FGGY: variants seen among roughly 807,000 people sequenced by gnomAD.
FGGY encodes FGGY carbohydrate kinase domain containing, also known as FGGY carbohydrate kinase domain-containing protein.
Under a neutral mutation model 71.3 loss-of-function variants are expected in FGGY, and 72 were observed. The observed-to-expected ratio is 1.01, with a 90% CI of 0.84 to 1.23. The LOEUF is 1.23. Ranked by LOEUF, FGGY falls within the 50% of genes most tolerant of loss-of-function variation. The pLI, the probability that FGGY is intolerant of heterozygous loss-of-function variation, is 0.00. For missense variants in FGGY, 668 were observed against 682.3 expected (o/e 0.98, Z 0.23); for synonymous variants, 251 against 250.3 (o/e 1.00, Z -0.02).
intron 1 of FGGY, among the ~76,000 whole-genome samples, chr1:59,314,276 T>G (rs1317970017): frequency 1.3e-5 from 2 of 152,180 alleles, no homozygotes; most frequent in Non-Finnish European, 2.9e-5. Context: ...AATAAAAAAA[T>G]TTTTTTAAAA....
intron 8 of FGGY, among the ~76,000 whole-genome samples, chr1:59,586,857 C>T (rs1003452471): frequency 1.3e-5 from 2 of 152,164 alleles, no homozygotes; most frequent in Middle Eastern, 3.2e-3. Context: ...CAGCTCCCAG[C>T]GTGAGTGACG....
intron 14 of FGGY, among the ~76,000 whole-genome samples, chr1:59,749,278 G>A (rs2098225712): frequency 6.6e-6 from 1 of 152,156 alleles, no homozygotes; most frequent in Non-Finnish European, 1.5e-5. Context: ...AAGCCTTGGG[G>A]GGTGGAGTTT....
At chr1:59,303,259 C>G (rs1310153448) in intron 1 of FGGY, among the ~76,000 whole-genome samples, 1 of 152,176 alleles carries the variant, frequency 6.6e-6, no homozygotes, top group Non-Finnish European at 1.5e-5. Context: ...CTTTGGCCAA[C>G]ATTTCCCCAT....
intron 7 of FGGY, among the ~76,000 whole-genome samples, chr1:59,520,351 T>C (rs1287348451): frequency 1.3e-5 from 2 of 152,198 alleles, no homozygotes; most frequent in Non-Finnish European, 2.9e-5. Flanking sequence ...CTAGCTCATC[T>C]ATTTCAGAGT....
At chr1:59,651,792 A>G (rs1276453689) in intron 11 of FGGY, among the ~76,000 whole-genome samples, 2 of 150,156 alleles carry the variant, frequency 1.3e-5, no homozygotes. Context: ...TGATCCTGTC[A>G]TTATGATGTT....
At chr1:59,677,256 T>G (rs1219010432) in intron 14 of FGGY, among the ~76,000 whole-genome samples, 1 of 152,246 alleles carries the variant, frequency 6.6e-6, no homozygotes, top group Non-Finnish European at 1.5e-5. Context: ...TTCAACACAG[T>G]CTTTTCTTTG....
chr1:59,360,918 G>A (rs933657393), intron 4 of FGGY, among the ~76,000 whole-genome samples: 4 of 152,182 alleles, frequency 2.6e-5, no homozygotes, highest in African/African-American at 4.8e-5. Context: ...GGGTAGAGCT[G>A]GGGCCCAGCT....
intron 1 of FGGY, among the ~76,000 whole-genome samples, chr1:59,300,051 T>A (rs1342786577): frequency 6.6e-6 from 1 of 152,260 alleles, no homozygotes; most frequent in African/African-American, 2.4e-5. Context: ...AATTAATTAC[T>A]GACTGAATGT....
At position 59,378,780 on chromosome 1, in the gene FGGY, G is replaced by A. The variant is rs1254000133; in HGVS notation, c.497G>A (p.Gly166Glu). Residue 166 changes from glycine to glutamate, a missense_variant, in exon 5 of 16, where the codon GGA becomes GAA. Gly to Glu is a moderately conservative substitution (Grantham distance 98, BLOSUM62 -2). Coordinates refer to ENST00000303721, the MANE Select transcript of FGGY (RefSeq NM_018291.5). ...NLREICWDKA[G>E]HFFDLPDFLS... Reference sequence around the variant, plus strand: ...AGAGAGATTTGCTGGGATAAGGCGGGACATTTCTTTGATCTCCCGGACTTC... The same window carrying A: ...AGAGAGATTTGCTGGGATAAGGCGGAACATTTCTTTGATCTCCCGGACTTC... 1 of 1,613,390 alleles carries A rather than the reference G, an allele frequency of 6.2e-7. No homozygotes were observed. The highest frequency in any genetic ancestry group is 1.1e-5 in the South Asian group (1 of 91,052).
In FGGY at chr1:59,391,969, G is replaced by A. The variant is rs926307872; in HGVS notation, c.554+13132G>A. Among the ~76,000 whole-genome samples the A allele has an allele frequency of 3.3e-5, 5 of 152,076 alleles. No individual in the cohort carries two copies. In the South Asian group the frequency reaches 6.2e-4, roughly 19 times the overall value. ...TGAAGATGCTAGAGAGTTAGATCTC[G>A]TGTTTCAGGGAACAGAACTGAAACT... On this transcript the variant is annotated intron_variant, in intron 5 of 15. Transcript: ENST00000303721.
intron 6 of FGGY, among the ~76,000 whole-genome samples, chr1:59,497,796 A>G (rs978296017): frequency 6.6e-6 from 1 of 152,136 alleles, no homozygotes; most frequent in Admixed American, 6.5e-5. Context: ...CCCTTCCTGG[A>G]AGTGTGGATT....
chr1:59,366,290 G>A (rs769922104), intron 4 of FGGY, among the ~76,000 whole-genome samples: 7 of 152,120 alleles, frequency 4.6e-5, no homozygotes, highest in East Asian at 3.8e-4. Context: ...TGATGTTACC[G>A]TTAAACAAGT....
At chr1:59,538,036 A>G (rs1294393548) in intron 7 of FGGY, among the ~76,000 whole-genome samples, 1 of 152,200 alleles carries the variant, frequency 6.6e-6, no homozygotes, top group Admixed American at 6.5e-5. Context: ...ACAGCAAAAG[A>G]AACTACCATC....
chr1:59,762,277 G>A (rs559298620), intron 15 of FGGY, among the ~76,000 whole-genome samples: 1 of 152,142 alleles, frequency 6.6e-6, no homozygotes, highest in African/African-American at 2.4e-5. Context: ...TTTAAGAGAT[G>A]GGGTTTAAAT....
chr1:59,502,668 A>G (rs1311632874), intron 6 of FGGY, among the ~76,000 whole-genome samples: 1 of 152,160 alleles, frequency 6.6e-6, no homozygotes, highest in Non-Finnish European at 1.5e-5. Flanking sequence ...CATAGCAGGG[A>G]GTGCTGACAA....
At chr1:59,643,271 C>T (rs1308923898) in intron 11 of FGGY, among the ~76,000 whole-genome samples, 1 of 152,090 alleles carries the variant, frequency 6.6e-6, no homozygotes, top group East Asian at 1.9e-4. Flanking sequence ...CCACTGTAAC[C>T]TTGAACTTCT....
At chr1:59,715,008 C>G (rs998437800) in intron 14 of FGGY, among the ~76,000 whole-genome samples, 3 of 152,178 alleles carry the variant, frequency 2.0e-5, no homozygotes, top group African/African-American at 7.2e-5. Flanking sequence ...ATTTTGGTGA[C>G]ATTTCTGGAT....
Position 59,346,348 on chromosome 1 carries a change from G to C in FGGY, c.415G>C (p.Gly139Arg). The C allele has an allele frequency of 6.2e-7, 1 of 1,611,908 alleles. No homozygotes were observed. The highest frequency in any genetic ancestry group is 8.5e-7 in the Non-Finnish European group (1 of 1,179,664). ...GCACAGTGTCCTCCAGTACGTCGGG[G>C]GGGTGATGTCTGTGGAAATGCAGGC... ...TKHSVLQYVG[G>R]VMSVEMQAPK... Residue 139 changes from glycine to arginine, a missense_variant, in exon 4 of 16, where the codon GGG becomes CGG. Around this residue, in one of 2 missense-constraint regions of FGGY, gnomAD observed 661 missense variants for 661.6 expected, o/e 1.00. Coordinates refer to ENST00000303721, the MANE Select transcript of FGGY (RefSeq NM_018291.5).
chr1:59,524,838 T>C (rs1161243381), intron 7 of FGGY, among the ~76,000 whole-genome samples: 1 of 152,166 alleles, frequency 6.6e-6, no homozygotes, highest in Non-Finnish European at 1.5e-5. Flanking sequence ...TTCTTCCAGG[T>C]TGTAGGATAA....
Sources: gnomAD v4.1 joint callset for allele counts (sites outside exome capture counted in the v4.1 genomes callset) on GRCh38, gnomAD v4.1.1 for gene constraint, gnomAD v4.1.1 regional missense constraint, MANE v1.5 for transcripts, NCBI Gene and HGNC (gene_info 2026-07-23, HGNC 2026-07-21) for gene names.